The following SCAMP5 variants were observed in gnomAD, a reference collection of about 807,000 sequenced individuals.
SCAMP5 encodes the protein secretory carrier-associated membrane protein 5.
A neutral mutation model predicts 28.3 loss-of-function variants in SCAMP5; 7 were observed. The ratio of observed to expected loss-of-function variants is 0.25; its 90% confidence interval spans 0.14 to 0.46. The LOEUF (loss-of-function observed/expected upper bound fraction) is 0.46. Ranked by LOEUF, SCAMP5 falls within the 20% of genes least tolerant of loss-of-function variation. The pLI, the probability that SCAMP5 is intolerant of heterozygous loss-of-function variation, is 0.99. For synonymous variants in SCAMP5, 117 were observed against 116.4 expected, an observed-to-expected ratio of 1.00 and a Z score of -0.03; for missense variants, 192 against 312.5, an observed-to-expected ratio of 0.61 and a Z score of 2.91.
chr15:75,012,926 A>C (rs1030299484), intron 3 of SCAMP5, 121 bp downstream of exon 3: 50 of 938,620 alleles, frequency 5.3e-5, no homozygotes, highest in Non-Finnish European at 8.1e-5. Flanking sequence ...CTTGTGGCAT[A>C]TGCATGGACC....
intron 1 of SCAMP5, among the ~76,000 whole-genome samples, chr15:75,001,735 TGGCAC>T (rs2065710374): frequency 6.6e-6 from 1 of 151,746 alleles, no homozygotes; most frequent in South Asian, 2.1e-4. Context: ...CCAGGTGCGA[TGGCAC>T]GTGCCTGTAA....
chr15:75,003,909 T>C (rs2065732011), intron 1 of SCAMP5, among the ~76,000 whole-genome samples: 1 of 144,108 alleles, frequency 6.9e-6, no homozygotes, highest in South Asian at 2.2e-4. Flanking sequence ...TTATTTTTAC[T>C]TTTTTTTTTT....
At chr15:74,997,249 C>T (rs1248031416) in intron 1 of SCAMP5, 1 of 152,208 alleles carries the variant, frequency 6.6e-6, no homozygotes, top group African/African-American at 2.4e-5. Context: ...CCTTTACAGG[C>T]TGCACTTCCT....
intron 1 of SCAMP5, among the ~76,000 whole-genome samples, chr15:75,005,770 G>A (rs1032378081): frequency 1.1e-4 from 16 of 152,070 alleles, no homozygotes; most frequent in Non-Finnish European, 2.4e-4. Flanking sequence ...TGTCGCCCAG[G>A]CTGGAGTGCA....
intron 1 of SCAMP5, among the ~76,000 whole-genome samples, chr15:75,000,408 G>A (rs1352445900): frequency 6.6e-6 from 1 of 151,518 alleles, no homozygotes; most frequent in Non-Finnish European, 1.5e-5. Context: ...TTTTTGAGAG[G>A]GAGTCTTGTT....
intron 1 of SCAMP5, among the ~76,000 whole-genome samples, chr15:75,008,625 G>A (rs2065783313): frequency 6.6e-6 from 1 of 151,688 alleles, no homozygotes; most frequent in Non-Finnish European, 1.5e-5. Flanking sequence ...TCAGCCTCCT[G>A]AGTAGTTGGG....
chr15:75,015,471 C>CTG (rs2065850951), intron 3 of SCAMP5, among the ~76,000 whole-genome samples: 1 of 151,906 alleles, frequency 6.6e-6, no homozygotes, highest in African/African-American at 2.4e-5. Context: ...GGCCTGGGTC[C>CTG]TGTTCTTGGG....
At chr15:75,006,373 C>T (rs1385108340) in intron 1 of SCAMP5, among the ~76,000 whole-genome samples, 1 of 151,588 alleles carries the variant, frequency 6.6e-6, no homozygotes, top group African/African-American at 2.4e-5. Context: ...TCTATGTGGG[C>T]CGGGCACTGT....
chr15:75,012,908 C>T, intron 3 of SCAMP5, 103 bp downstream of exon 3: 2 of 1,146,464 alleles, frequency 1.7e-6, no homozygotes, highest in Non-Finnish European at 2.6e-6. Flanking sequence ...GACTGTCCTT[C>T]AGTCCCACTT....
rs141177629 is a variant in SCAMP5, at chr15:75,013,155, C to T, written c.136+350C>T. On this transcript the variant is annotated intron_variant, in intron 3 of 6. Coordinates refer to ENST00000425597, the MANE Select transcript of SCAMP5 (RefSeq NM_138967.4). ...CCACTGGAGTAACTTTCCAGGGAAC[C>T]TCTGGGGACTGTCAGGACCTCAGGA... 58 of 226,544 alleles carry T rather than the reference C, an allele frequency of 2.6e-4. No individual in the cohort carries two copies. In the Middle Eastern group the frequency reaches 4.9e-3, roughly 19 times the overall value. 14.0% of individuals were successfully genotyped at this position (226,544 alleles called of 1,614,324 possible).
At chr15:75,017,740 A>T (rs1247038149) in intron 4 of SCAMP5, 130 bp from the exon 5 acceptor site, 2 of 718,506 alleles carry the variant, frequency 2.8e-6, no homozygotes, top group African/African-American at 3.5e-5. Flanking sequence ...ACCCCTTCTG[A>T]CCTCTCAATT....
At chr15:75,000,824 C>T (rs980073035) in intron 1 of SCAMP5, among the ~76,000 whole-genome samples, 10 of 151,642 alleles carry the variant, frequency 6.6e-5, no homozygotes, top group African/African-American at 2.4e-4. Flanking sequence ...CTCCATTTTG[C>T]CTTTCCTTTG....
Position 75,004,748 on chromosome 15 carries a change from AAGAG to A in SCAMP5, c.-48-7040_-48-7037del, listed in dbSNP as rs971261452. Among the ~76,000 whole-genome samples the A allele has an allele frequency of 1.6e-4, 25 of 151,942 alleles. No homozygotes were observed. In the South Asian group the frequency reaches 1.9e-3, roughly 11 times the overall value. ...ACCCTGTCTCAAAAAAAAAAAAAGA[AAGAG>A]AGAAAGAAACAAAAACATGCACACA... On this transcript the variant is annotated intron_variant, in intron 1 of 6. Coordinates refer to ENST00000425597, the MANE Select transcript of SCAMP5 (RefSeq NM_138967.4).
intron 1 of SCAMP5, among the ~76,000 whole-genome samples, chr15:75,000,380 C>G (rs76518150): frequency 0.17 from 25,653 of 149,740 alleles, 3,226 homozygotes; most frequent in South Asian, 0.44. Flanking sequence ...ATTTAAAAAA[C>G]CTTTAAGGCC....
intron 3 of SCAMP5, among the ~76,000 whole-genome samples, chr15:75,015,234 C>T (rs971755729): frequency 5.9e-5 from 9 of 152,144 alleles, no homozygotes; most frequent in Admixed American, 6.5e-5. Context: ...TTTGAGGCCA[C>T]GGTTGAGCCC....
At position 75,012,382 on chromosome 15, in the gene SCAMP5, A is replaced by G. The variant is rs910549096; in HGVS notation, c.8-295A>G. 2.6e-5 allele frequency among the ~76,000 whole-genome samples: 4 copies of G among 152,222 alleles called. No individual in the cohort carries two copies. In the South Asian group the frequency reaches 6.2e-4, roughly 24 times the overall value. ...GCTTCTTCTGCCTGGAGCTGCCCCC[A>G]CTGAGAGGGTGGTACCTTGAGGCCC... On this transcript the variant is annotated intron_variant, in intron 2 of 6. Coordinates refer to ENST00000425597, the MANE Select transcript of SCAMP5 (RefSeq NM_138967.4).
chr15:75,018,090 A>G lies in SCAMP5; in HGVS notation c.395+119A>G. 1.5e-6 allele frequency: 1 copy of G among 683,888 alleles called. No homozygotes were observed. Among genetic ancestry groups the G allele is most frequent in the Middle Eastern group, 4.0e-4 (1 of 2,518 alleles). 42.4% of individuals were successfully genotyped at this position (683,888 alleles called of 1,614,324 possible). ...GGCCTGAGTGATGGGTTGTTGGGAG[A>G]GTGAGAGGATTCGGGATAGTGTAGT... On this transcript the variant is annotated intron_variant, in intron 5 of 6. Coordinates refer to ENST00000425597, the MANE Select transcript of SCAMP5 (RefSeq NM_138967.4). This position sits in a 1 kb window ranked among gnomAD's most constrained non-coding sequence, Gnocchi z 5.6.
At chr15:75,011,610 A>C in intron 1 of SCAMP5, 182 bp from the exon 2 acceptor site, 1 of 402,036 alleles carries the variant, frequency 2.5e-6, no homozygotes, top group Non-Finnish European at 4.5e-6. Flanking sequence ...GCAGCTGGTA[A>C]GATGCAGCTG....
chr15:75,009,441 T>TTGTGTGTGTGTGTGTG (rs3057655), intron 1 of SCAMP5, among the ~76,000 whole-genome samples: 1 of 136,064 alleles, frequency 7.3e-6, no homozygotes, highest in African/African-American at 2.8e-5. Flanking sequence ...TGCTAGAAGT[T>TTGTGTGTGTGTGTGTG]TGTGTGTGTG....
Sources: allele counts gnomAD v4.1 joint callset (sites outside exome capture counted in the v4.1 genomes callset), GRCh38; gene constraint gnomAD v4.1.1; non-coding constraint Gnocchi (gnomAD v3.1); transcripts MANE v1.5; gene names NCBI Gene and HGNC (gene_info 2026-07-23, HGNC 2026-07-21).